The following DAB2IP variants were observed in gnomAD, a reference collection of about 807,000 sequenced individuals.
DAB2IP encodes DAB2 interacting protein, also known as disabled homolog 2-interacting protein.
In DAB2IP, 28 loss-of-function variants were observed where a neutral mutation model predicts 107.2. That is an observed-to-expected ratio of 0.26 (90% CI 0.19 to 0.36). The LOEUF is 0.36. DAB2IP is among the 10% of genes least tolerant of loss of function. DAB2IP has a pLI of 1.00. For missense variants in DAB2IP, 1,400 were observed against 1,644.7 expected, an observed-to-expected ratio of 0.85 and a Z score of 2.57; for synonymous variants, 755 against 706.4, an observed-to-expected ratio of 1.07 and a Z score of -1.09.
At chr9:121,775,839 G>T (rs12344971) in intron 13 of DAB2IP, among the ~76,000 whole-genome samples, 1 of 152,262 alleles carries the variant, frequency 6.6e-6, no homozygotes, top group Non-Finnish European at 1.5e-5. Context: ...CTCTCAGGGT[G>T]CTGTCACATG....
exon 16 of DAB2IP, chr9:121,784,614 G>C (rs1835877454): frequency 6.5e-6 from 1 of 154,842 alleles, no homozygotes; most frequent in African/African-American, 2.4e-5. Flanking sequence ...AAATGTTCTT[G>C]GTGTTTGACT....
At chr9:121,723,155 G>A (rs1036609297) in intron 3 of DAB2IP, among the ~76,000 whole-genome samples, 2 of 152,166 alleles carry the variant, frequency 1.3e-5, no homozygotes, top group South Asian at 2.1e-4. Flanking sequence ...CTCCATGGAC[G>A]GAGTCTGTGG....
At chr9:121,784,921 C>G (rs994395855) in exon 16 of DAB2IP, 1 of 152,546 alleles carries the variant, frequency 6.6e-6, no homozygotes, top group Admixed American at 6.5e-5. Context: ...GAGCTGGGCC[C>G]TGCCTGCAGC....
At chr9:121,672,097 T>C (rs1459035488) in intron 1 of DAB2IP, among the ~76,000 whole-genome samples, 1 of 152,270 alleles carries the variant, frequency 6.6e-6, no homozygotes, top group Non-Finnish European at 1.5e-5. Flanking sequence ...TTTTAATTTC[T>C]AGACTGGTTT....
upstream of DAB2IP, among the ~76,000 whole-genome samples, chr9:121,650,778 G>T (rs963995943): frequency 1.3e-5 from 2 of 152,224 alleles, no homozygotes; most frequent in African/African-American, 4.8e-5. Flanking sequence ...GTGGACTTTG[G>T]TCGGGTGGAG....
intron 3 of DAB2IP, among the ~76,000 whole-genome samples, chr9:121,747,750 C>G (rs1475948189): frequency 1.3e-5 from 2 of 151,628 alleles, no homozygotes; most frequent in African/African-American, 2.4e-5. Context: ...ACAAGTCTGA[C>G]AGCTATTGAT....
chr9:121,778,812 G>A (rs1835391100), intron 14 of DAB2IP, among the ~76,000 whole-genome samples: 2 of 152,168 alleles, frequency 1.3e-5, no homozygotes, highest in Admixed American at 6.5e-5. Context: ...ATGACAGGGA[G>A]TCTGTCATTG....
At chr9:121,580,816 G>C (rs149477629) in intron 1 of DAB2IP, among the ~76,000 whole-genome samples, 6 of 152,046 alleles carry the variant, frequency 3.9e-5, no homozygotes, top group African/African-American at 1.4e-4. Flanking sequence ...TAGTAGAGAC[G>C]GGGTTTCACC....
intron 1 of DAB2IP, among the ~76,000 whole-genome samples, chr9:121,616,142 C>T (rs190672603): frequency 5.5e-4 from 84 of 152,320 alleles, no homozygotes; most frequent in African/African-American, 1.9e-3. Flanking sequence ...CTTCCTCCCA[C>T]CCTGATCCCT....
At position 121,760,450 on chromosome 9, in the gene DAB2IP, G is replaced by A; in HGVS notation, c.1170+11G>A. 8 of 1,576,096 alleles carry A rather than the reference G, an allele frequency of 5.1e-6. No individual in the cohort carries two copies. Among genetic ancestry groups the A allele is most frequent in the Non-Finnish European group, 6.9e-6 (8 of 1,164,886 alleles). ...ACGGGCAAGGTGAAGGTGCGTGCAG[G>A]CCCCTCGGCTCCTGACACAGGCTGG... On this transcript the variant is annotated intron_variant, in intron 6 of 15. Coordinates refer to ENST00000408936, the Ensembl canonical transcript of DAB2IP. This position sits in a 1 kb window ranked among gnomAD's most constrained non-coding sequence, Gnocchi z 5.9.
intron 1 of DAB2IP, among the ~76,000 whole-genome samples, chr9:121,583,954 G>A (rs1159838925): frequency 6.6e-6 from 1 of 152,106 alleles, no homozygotes; most frequent in Non-Finnish European, 1.5e-5. Context: ...TGAGGTGGGA[G>A]GATCACAAGG....
At chr9:121,724,394 G>A (rs1241035804) in intron 3 of DAB2IP, among the ~76,000 whole-genome samples, 1 of 151,542 alleles carries the variant, frequency 6.6e-6, no homozygotes, top group Non-Finnish European at 1.5e-5. Context: ...GTGGCTTGCT[G>A]CCCCACTTCA....
intron 1 of DAB2IP, among the ~76,000 whole-genome samples, chr9:121,610,809 G>A (rs1259280831): frequency 6.6e-6 from 1 of 152,106 alleles, no homozygotes; most frequent in African/African-American, 2.4e-5. Flanking sequence ...ATTTGAAGAT[G>A]GTTTCACGGA....
chr9:121,665,702 T>C (rs1833390503), intron 1 of DAB2IP, among the ~76,000 whole-genome samples: 1 of 152,242 alleles, frequency 6.6e-6, no homozygotes, highest in Non-Finnish European at 1.5e-5. Flanking sequence ...CTATCGCATA[T>C]GTCTTTTGAT....
chr9:121,746,293 C>T (rs1192330356), intron 3 of DAB2IP, among the ~76,000 whole-genome samples: 5 of 152,146 alleles, frequency 3.3e-5, no homozygotes, highest in African/African-American at 4.8e-5. Flanking sequence ...ATGGAGAGCT[C>T]GCTGCAGGTC....
At chr9:121,739,151 C>T (rs1335107319) in intron 3 of DAB2IP, among the ~76,000 whole-genome samples, 1 of 152,206 alleles carries the variant, frequency 6.6e-6, no homozygotes, top group Non-Finnish European at 1.5e-5. Context: ...AGGGCAGGAC[C>T]TGTTGTAGAT....
At chr9:121,735,920 C>A (rs1014816264) in intron 3 of DAB2IP, among the ~76,000 whole-genome samples, 1 of 152,206 alleles carries the variant, frequency 6.6e-6, no homozygotes, top group African/African-American at 2.4e-5. Context: ...GGCTTCTGGG[C>A]GCAATCGGGA....
Position 121,651,622 on chromosome 9 carries a change from A to C in DAB2IP, c.-154A>C. On this transcript the variant is annotated 5_prime_UTR_variant, in exon 1 of 16. Coordinates refer to ENST00000408936, the Ensembl canonical transcript of DAB2IP. The surrounding 1 kb of genome is among the most constrained non-coding windows in gnomAD (Gnocchi z 5.1). Reference sequence around the variant, plus strand: ...AGCGGGAGGGGGCAGGAGGCGGAGGAGGAGTTTGAGCGACTTTGTGGGGCA... The same window carrying C: ...AGCGGGAGGGGGCAGGAGGCGGAGGCGGAGTTTGAGCGACTTTGTGGGGCA... The C allele has an allele frequency of 9.6e-7, 1 of 1,039,824 alleles. No homozygotes were observed. The highest frequency in any genetic ancestry group is 1.2e-6 in the Non-Finnish European group (1 of 862,712). 64.4% of individuals were successfully genotyped at this position (1,039,824 alleles called of 1,614,324 possible).
intron 1 of DAB2IP, among the ~76,000 whole-genome samples, chr9:121,589,994 G>A (rs758288180): frequency 5.9e-4 from 61 of 102,944 alleles, no homozygotes; most frequent in Non-Finnish European, 1.0e-3. Context: ...CCTTCCTGGG[G>A]TATGAGAGAA....
Sources: gnomAD v4.1 joint callset for allele counts (sites outside exome capture counted in the v4.1 genomes callset) on GRCh38, gnomAD v4.1.1 for gene constraint, Gnocchi (gnomAD v3.1) non-coding constraint, MANE v1.5 for transcripts, NCBI Gene and HGNC (gene_info 2026-07-23, HGNC 2026-07-21) for gene names.